The following IGFL2 variants were observed in gnomAD, a reference collection of about 807,000 sequenced individuals.
IGFL2 encodes the protein insulin growth factor-like family member 2.
Under a neutral mutation model 13.9 loss-of-function variants are expected in IGFL2, and 7 were observed. The observed-to-expected ratio is 0.51, with a 90% CI of 0.29 to 0.95. The LOEUF is 0.95. IGFL2 is among the 40% of genes least tolerant of loss of function. The probability of loss-of-function intolerance (pLI) is 0.08; values close to 1 mark genes in which losing one functional copy is unlikely to be tolerated. For missense variants in IGFL2, 138 were observed against 147.8 expected (o/e 0.93, Z 0.34); for synonymous variants, 55 against 55.8 (o/e 0.99, Z 0.07).
chr19:46,096,202 GTGGT>G, the IGFL2 span, among the ~76,000 whole-genome samples: 1 of 152,172 alleles, frequency 6.6e-6, no homozygotes, highest in African/African-American at 2.4e-5. Flanking sequence ...TCCTTGAGCA[GTGGT>G]TAGTAGTACT....
At chr19:46,147,516 TG>T (rs1272917751), upstream of IGFL2, among the ~76,000 whole-genome samples, 2 of 152,172 alleles carry the variant, frequency 1.3e-5, no homozygotes, top group African/African-American at 2.4e-5. Context: ...TTGATTGCAA[TG>T]TATTATAGGC....
chr19:46,152,443 A>C (rs1421366174), intron 1 of IGFL2, among the ~76,000 whole-genome samples: 1 of 151,812 alleles, frequency 6.6e-6, no homozygotes, highest in East Asian at 1.9e-4. Context: ...TCCCTGGCTA[A>C]TTTTTTTATG....
the IGFL2 span, chr19:46,202,778 T>TA: frequency 3.9e-5 from 6 of 151,998 alleles, no homozygotes; most frequent in Non-Finnish European, 8.8e-5. Flanking sequence ...AGGGAGAGAT[T>TA]AAAGAGTGGA....
At chr19:46,139,295 T>G (rs1458032494), upstream of IGFL2, among the ~76,000 whole-genome samples, 1 of 150,924 alleles carries the variant, frequency 6.6e-6, no homozygotes, top group Non-Finnish European at 1.5e-5. Flanking sequence ...AAGCTCTTCC[T>G]GGCTGCATCT....
At chr19:46,181,390 G>A in the IGFL2 span, 606 of 152,248 alleles carry the variant, frequency 4.0e-3, 2 homozygotes, top group African/African-American at 0.012. Flanking sequence ...AAGAATAGGC[G>A]TGGTCAAACA....
chr19:46,142,412 T>G (rs888375874), upstream of IGFL2, among the ~76,000 whole-genome samples: 1 of 152,214 alleles, frequency 6.6e-6, no homozygotes, highest in African/African-American at 2.4e-5. Context: ...GGTTTCTACG[T>G]GAAATATAGC....
the IGFL2 span, among the ~76,000 whole-genome samples, chr19:46,095,298 CAT>C: frequency 2.0e-5 from 3 of 152,044 alleles, no homozygotes; most frequent in Non-Finnish European, 4.4e-5. Context: ...AGCTTTTTTC[CAT>C]ATGTTTGTGT....
the IGFL2 span, among the ~76,000 whole-genome samples, chr19:46,109,059 C>T: frequency 6.6e-6 from 1 of 152,134 alleles, no homozygotes; most frequent in Non-Finnish European, 1.5e-5. Flanking sequence ...AAGGAGTCCC[C>T]CTCCCCCGGG....
the IGFL2 span, among the ~76,000 whole-genome samples, chr19:46,089,889 C>T: frequency 6.6e-6 from 1 of 152,130 alleles, no homozygotes; most frequent in South Asian, 2.1e-4. Context: ...TGGATATTTA[C>T]ATCTTTCTCC....
chr19:46,087,702 C>A, the IGFL2 span, among the ~76,000 whole-genome samples: 599 of 152,362 alleles, frequency 3.9e-3, 5 homozygotes, highest in Non-Finnish European at 6.0e-3. Flanking sequence ...TGGCAGCAGG[C>A]AGTGGAATTT....
chr19:46,162,575 T>C (rs140890835), downstream of IGFL2, among the ~76,000 whole-genome samples: 98 of 152,358 alleles, frequency 6.4e-4, 2 homozygotes, highest in East Asian at 0.018. Context: ...TTCCTCAGCT[T>C]GGTTTATTCT....
At chr19:46,133,146 C>T in the IGFL2 span, among the ~76,000 whole-genome samples, 1 of 152,082 alleles carries the variant, frequency 6.6e-6, no homozygotes, top group Admixed American at 6.5e-5. Context: ...GGATCTTGTC[C>T]AGCAGTCCCA....
chr19:46,193,918 C>A, the IGFL2 span, among the ~76,000 whole-genome samples: 1 of 152,174 alleles, frequency 6.6e-6, no homozygotes, highest in African/African-American at 2.4e-5. Context: ...CAGAGCCCAA[C>A]AACATGTTAA....
At chr19:46,141,767 C>G (rs1360462504), upstream of IGFL2, among the ~76,000 whole-genome samples, 4 of 152,184 alleles carry the variant, frequency 2.6e-5, no homozygotes, top group African/African-American at 4.8e-5. Context: ...TAAGCACTCA[C>G]TCTATGCATC....
chr19:46,088,818 A>G, the IGFL2 span, among the ~76,000 whole-genome samples: 3 of 152,222 alleles, frequency 2.0e-5, no homozygotes, highest in Non-Finnish European at 2.9e-5. Flanking sequence ...ATCATAGCCT[A>G]CTGTTGTATG....
the IGFL2 span, among the ~76,000 whole-genome samples, chr19:46,096,989 T>C: frequency 6.6e-6 from 1 of 152,224 alleles, no homozygotes; most frequent in Non-Finnish European, 1.5e-5. Context: ...TTTTTTGTTG[T>C]ATCTCTGCCA....
chr19:46,158,126 A>G lies in IGFL2; in HGVS notation c.20-2289A>G, dbSNP rs573666955. Among the ~76,000 whole-genome samples the G allele has an allele frequency of 1.6e-4, 24 of 152,360 alleles. 1 individual carries two copies. Among genetic ancestry groups the G allele is most frequent in the African/African-American group, 5.8e-4 (24 of 41,578 alleles). ...AAATTACAAAATGCTCCTGAAAGAA[A>G]TAAATGGAGAGACATGCCATTTTCA... On this transcript the variant is annotated intron_variant, in intron 1 of 3. Coordinates refer to ENST00000377693, the MANE Select transcript of IGFL2 (RefSeq NM_001135113.2).
At chr19:46,090,308 C>T in the IGFL2 span, among the ~76,000 whole-genome samples, 3 of 152,104 alleles carry the variant, frequency 2.0e-5, no homozygotes, top group Non-Finnish European at 4.4e-5. Flanking sequence ...GCTGAGCTTC[C>T]TTTAAAAAGT....
chr19:46,174,400 A>G, the IGFL2 span, among the ~76,000 whole-genome samples: 2 of 152,220 alleles, frequency 1.3e-5, no homozygotes, highest in Non-Finnish European at 2.9e-5. Context: ...ACAATTATGT[A>G]AGAACTCTTC....
Sources: allele counts gnomAD v4.1 joint callset (sites outside exome capture counted in the v4.1 genomes callset), GRCh38; gene constraint gnomAD v4.1.1; transcripts MANE v1.5; gene names NCBI Gene and HGNC (gene_info 2026-07-23, HGNC 2026-07-21).